Variants in GSG1L observed in about 807,000 individuals in gnomAD.
GSG1L encodes the protein GSG1 like, also known as germ cell-specific gene 1-like protein.
Under a neutral mutation model 42.1 loss-of-function variants are expected in GSG1L, and 24 were observed. The ratio of observed to expected loss-of-function variants is 0.57; its 90% CI spans 0.41 to 0.80. The LOEUF (loss-of-function observed/expected upper bound fraction) is 0.80, where lower values mean the gene tolerates loss of function less well. GSG1L is among the 30% of genes least tolerant of loss of function. The pLI is 0.00. For missense variants in GSG1L, 445 were observed against 472.2 expected (o/e 0.94, Z 0.53); for synonymous variants, 215 against 203.5 (o/e 1.06, Z -0.48).
intron 4 of GSG1L, among the ~76,000 whole-genome samples, chr16:27,840,677 A>T (rs73517398): frequency 0.039 from 5,961 of 152,186 alleles, 405 homozygotes; most frequent in African/African-American, 0.14. Flanking sequence ...TGGCCCTGTC[A>T]CTTGCTCTTA....
chr16:27,854,198 G>A (rs1299526567), intron 3 of GSG1L, among the ~76,000 whole-genome samples: 1 of 149,936 alleles, frequency 6.7e-6, no homozygotes, highest in Non-Finnish European at 1.5e-5. Context: ...AGGAGGGGAA[G>A]GGGAGAGGAA....
chr16:27,803,170 C>T (rs2082902809), intron 6 of GSG1L, among the ~76,000 whole-genome samples: 2 of 152,058 alleles, frequency 1.3e-5, no homozygotes, highest in Admixed American at 6.5e-5. Context: ...GGTCCTCACT[C>T]AAATCAGTCA....
chr16:27,971,257 A>G (rs2085190365), intron 1 of GSG1L, among the ~76,000 whole-genome samples: 1 of 152,226 alleles, frequency 6.6e-6, no homozygotes, highest in East Asian at 1.9e-4. Context: ...GTCTTAAAAT[A>G]TTAAAACTTC....
intron 1 of GSG1L, among the ~76,000 whole-genome samples, chr16:28,055,086 G>A (rs1348819966): frequency 1.3e-5 from 2 of 152,292 alleles, no homozygotes; most frequent in East Asian, 3.9e-4. Flanking sequence ...CAGCCTCCAG[G>A]AGCCCAGTGG....
intron 1 of GSG1L, among the ~76,000 whole-genome samples, chr16:28,014,297 T>C (rs1053712101): frequency 6.6e-6 from 1 of 151,862 alleles, no homozygotes; most frequent in Non-Finnish European, 1.5e-5. Context: ...TAAACAGTTA[T>C]TGAAGAGCAC....
intron 1 of GSG1L, among the ~76,000 whole-genome samples, chr16:28,061,801 T>C (rs1382612134): frequency 6.6e-6 from 1 of 152,154 alleles, no homozygotes; most frequent in Non-Finnish European, 1.5e-5. Flanking sequence ...CCCTCCTCAG[T>C]ATCCTGACAT....
chr16:27,888,401 C>CCTCTTTCTTTCTTTCT, intron 2 of GSG1L, among the ~76,000 whole-genome samples: 1 of 122,566 alleles, frequency 8.2e-6, no homozygotes, highest in African/African-American at 3.6e-5. Context: ...TTCTTTTCTC[C>CCTCTTTCTTTCTTTCT]TTCTTTCTTT....
chr16:27,950,694 G>A (rs1175733245), intron 2 of GSG1L, among the ~76,000 whole-genome samples: 1 of 152,080 alleles, frequency 6.6e-6, no homozygotes, highest in Admixed American at 6.5e-5. Flanking sequence ...CAAGGCAGTT[G>A]ACCTCTCTGG....
At chr16:28,053,012 G>C (rs1331182321) in intron 1 of GSG1L, among the ~76,000 whole-genome samples, 1 of 152,266 alleles carries the variant, frequency 6.6e-6, no homozygotes, top group Admixed American at 6.5e-5. Context: ...GACAAGGCTG[G>C]CAGAGGGGGG....
chr16:27,828,671 A>G, intron 5 of GSG1L, 118 bp downstream of exon 5: 1 of 949,188 alleles, frequency 1.1e-6, no homozygotes, highest in Non-Finnish European at 1.6e-6. Context: ...TCCCCCCTCC[A>G]TAACCCCTCT....
intron 6 of GSG1L, among the ~76,000 whole-genome samples, chr16:27,805,929 G>A (rs1259522402): frequency 1.3e-5 from 2 of 151,890 alleles, no homozygotes; most frequent in Non-Finnish European, 2.9e-5. Context: ...CCTAAGACAA[G>A]CCCCAAGGCC....
intron 2 of GSG1L, among the ~76,000 whole-genome samples, chr16:27,962,815 C>G (rs2085084734): frequency 6.6e-6 from 1 of 152,242 alleles, no homozygotes; most frequent in Non-Finnish European, 1.5e-5. Flanking sequence ...AATCCTACAG[C>G]TGGAGGCAAA....
chr16:27,929,151 C>T (rs2084629582), intron 2 of GSG1L, among the ~76,000 whole-genome samples: 1 of 152,226 alleles, frequency 6.6e-6, no homozygotes, highest in Non-Finnish European at 1.5e-5. Context: ...GTGAGAATCA[C>T]TGCGCTAGAA....
At chr16:28,062,696 C>G (rs2086356587) in intron 1 of GSG1L, among the ~76,000 whole-genome samples, 1 of 152,110 alleles carries the variant, frequency 6.6e-6, no homozygotes, top group Non-Finnish European at 1.5e-5. Flanking sequence ...TAGTGCCCCG[C>G]GAAAGGAAGA....
intron 4 of GSG1L, among the ~76,000 whole-genome samples, chr16:27,836,536 T>G (rs1326352073): frequency 6.6e-6 from 1 of 152,136 alleles, no homozygotes; most frequent in Non-Finnish European, 1.5e-5. Context: ...GCTCTGTACA[T>G]TTTTTTAAGT....
intron 4 of GSG1L, among the ~76,000 whole-genome samples, chr16:27,835,770 G>T (rs2083315618): frequency 2.0e-5 from 3 of 151,802 alleles, no homozygotes; most frequent in South Asian, 2.1e-4. Flanking sequence ...TAGAAATCTT[G>T]GCTCCCTTTG....
intron 3 of GSG1L, among the ~76,000 whole-genome samples, chr16:27,883,152 A>G (rs942790823): frequency 6.7e-6 from 1 of 150,002 alleles, no homozygotes; most frequent in Non-Finnish European, 1.5e-5. Flanking sequence ...GAGAGAGAGA[A>G]AGCCTTCATG....
At chr16:28,052,049 G>C (rs887216005) in intron 1 of GSG1L, among the ~76,000 whole-genome samples, 1 of 152,116 alleles carries the variant, frequency 6.6e-6, no homozygotes, top group African/African-American at 2.4e-5. Flanking sequence ...GAGTCAGCAG[G>C]ATTTGCCAAT....
intron 2 of GSG1L, among the ~76,000 whole-genome samples, chr16:27,947,497 GAGAAAGAAAGAAGGAAAGAAAGAAAA>G (rs2084890826): frequency 1.4e-5 from 2 of 144,490 alleles, no homozygotes; most frequent in African/African-American, 5.1e-5. Context: ...AAGAAAGAAA[GAGAAAGAAAGAAGGAAAGAAAGAAAA>G]AGAAAGAAAG....
Sources: allele counts gnomAD v4.1 joint callset (sites outside exome capture counted in the v4.1 genomes callset), GRCh38; gene constraint gnomAD v4.1.1; transcripts MANE v1.5; gene names NCBI Gene and HGNC (gene_info 2026-07-23, HGNC 2026-07-21).